The following RNF43 variants were observed in gnomAD, a reference collection of about 807,000 sequenced individuals.
RNF43 encodes the protein ring finger protein 43.
In RNF43, 37 loss-of-function variants were observed where a neutral mutation model predicts 78.4. That is an observed-to-expected ratio of 0.47 (90% CI 0.36 to 0.62). The LOEUF is 0.62. Ranked by LOEUF, RNF43 falls within the 20% of genes least tolerant of loss-of-function variation. RNF43 has a pLI of 0.00. For synonymous variants in RNF43, 347 were observed against 395.0 expected (o/e 0.88, Z 1.44); for missense variants, 774 against 1,007.9 (o/e 0.77, Z 3.14).
chr17:58,397,553 C>CT (rs1973708893), intron 2 of RNF43, among the ~76,000 whole-genome samples: 3 of 151,894 alleles, frequency 2.0e-5, no homozygotes, highest in Non-Finnish European at 4.4e-5. Flanking sequence ...ATGCCAACTA[C>CT]TCAGGAGGCT....
intron 2 of RNF43, among the ~76,000 whole-genome samples, chr17:58,374,452 G>C (rs1231654797): frequency 6.6e-6 from 1 of 151,172 alleles, no homozygotes. Context: ...GAGTGCAGTG[G>C]TGCAATCTTG....
intron 2 of RNF43, among the ~76,000 whole-genome samples, chr17:58,411,348 C>T (rs1335409985): frequency 2.6e-5 from 4 of 152,046 alleles, no homozygotes; most frequent in African/African-American, 9.7e-5. Context: ...ACTTTGTCAA[C>T]TATAGTTTGC....
chr17:58,400,130 T>A (rs1315963556), intron 2 of RNF43, among the ~76,000 whole-genome samples: 2 of 152,100 alleles, frequency 1.3e-5, no homozygotes, highest in African/African-American at 4.8e-5. Context: ...CAGGCACACA[T>A]ACAAAGGTCC....
intron 2 of RNF43, among the ~76,000 whole-genome samples, chr17:58,411,942 G>A (rs897722294): frequency 3.3e-5 from 5 of 152,160 alleles, no homozygotes; most frequent in Non-Finnish European, 7.4e-5. Flanking sequence ...TATAAACCAG[G>A]AGAGAAAGAA....
chr17:58,370,439 T>C (rs1973066150), intron 3 of RNF43, among the ~76,000 whole-genome samples: 1 of 152,240 alleles, frequency 6.6e-6, no homozygotes. Flanking sequence ...GAAAAGTCGC[T>C]GTGAGGGTTA....
intron 6 of RNF43, 49 bp downstream of exon 6, chr17:58,362,495 C>CCA: frequency 7.2e-7 from 1 of 1,393,306 alleles, no homozygotes; most frequent in Non-Finnish European, 9.9e-7. Context: ...AACCACCCAC[C>CCA]CACACACACG....
Position 58,387,174 on chromosome 17 carries a change from T to C in RNF43, c.253-16141A>G, listed in dbSNP as rs542925800. On this transcript the variant is annotated intron_variant, in intron 2 of 9. Transcript: ENST00000407977. The stretch of plus-strand genomic sequence containing the variant: ...GGAGGGATATCAGAATTTCAAACAA[T>C]GTTAACAGAGAAGCTGAGTCAGTCT... Among the ~76,000 whole-genome samples the C allele has an allele frequency of 6.6e-4, 101 of 152,266 alleles. 6 individuals carry two copies. In the South Asian group the frequency reaches 0.021, roughly 31 times the overall value.
chr17:58,408,459 C>T (rs720236), intron 2 of RNF43, among the ~76,000 whole-genome samples: 1,927 of 152,138 alleles, frequency 0.013, 41 homozygotes, highest in African/African-American at 0.042. Flanking sequence ...TGGATGCACG[C>T]TAATATCCTA....
Position 58,362,498 on chromosome 17 carries a change from C to A in RNF43, c.687+46G>T, listed in dbSNP as rs756011627. 4 of 1,428,298 alleles carry A rather than the reference C, an allele frequency of 2.8e-6. No homozygotes were observed. In the Admixed American group the frequency reaches 5.8e-5, roughly 21 times the overall value. The allele number at this position is 1,428,298 out of a possible 1,614,324, so 88.5% of individuals were successfully genotyped here. On this transcript the variant is annotated intron_variant, in intron 6 of 9. Coordinates refer to ENST00000407977, the MANE Select transcript of RNF43 (RefSeq NM_017763.6). ...TTCCTTCTCCCTAACCACCCACCCA[C>A]ACACACGCACACGTTCACCGCCGCC...
chr17:58,365,044 G>C (rs943740292), intron 3 of RNF43, among the ~76,000 whole-genome samples: 1 of 152,220 alleles, frequency 6.6e-6, no homozygotes, highest in East Asian at 1.9e-4. Context: ...GCCCAGCCTA[G>C]GGCCCAGGCT....
chr17:58,415,507 C>T lies in RNF43; in HGVS notation c.71G>A (p.Gly24Asp), dbSNP rs765931943. 2 of 1,612,994 alleles carry T rather than the reference C, an allele frequency of 1.2e-6. No individual in the cohort carries two copies. Among genetic ancestry groups the T allele is most frequent in the South Asian group, 2.2e-5 (2 of 91,090 alleles). Residue 24 changes from glycine to aspartate, a missense_variant, in exon 2 of 10, where the codon GGC becomes GAC. By Grantham distance (94) the Gly-to-Asp change is moderately conservative. Coordinates refer to ENST00000407977, the MANE Select transcript of RNF43 (RefSeq NM_017763.6). ...PWLLMATLQA[G>D]FGRTGLVLAA... is the part of the protein sequence containing the mutation. Reference sequence around the variant, plus strand: ...CAGTACCAGTCCTGTGCGTCCAAAGCCTGCCTGCAGGGTAGCCATCAGCAG... The same window carrying T: ...CAGTACCAGTCCTGTGCGTCCAAAGTCTGCCTGCAGGGTAGCCATCAGCAG...
chr17:58,358,665 G>T lies in RNF43; in HGVS notation c.1111C>A (p.Arg371=), dbSNP rs771831816. The T allele has an allele frequency of 6.6e-7, 1 of 1,525,234 alleles. No homozygotes were observed. The highest frequency in any genetic ancestry group is 1.3e-5 in the South Asian group (1 of 79,042). The allele number at this position is 1,525,234 out of a possible 1,614,324, so 94.5% of individuals were successfully genotyped here. Residue 371 remains arginine, a synonymous_variant, in exon 9 of 10, where the codon CGA becomes AGA. Transcript: ENST00000407977. This position sits in a 1 kb window ranked among gnomAD's most constrained non-coding sequence, Gnocchi z 6.2. ...TGGGATGGCAGGAAGGGACCAGGTC[G>T]TGGGGGCCGAGCCACTGCACTCCGG... is the stretch of plus-strand genomic sequence containing the variant. The part of the protein sequence containing the change: ...PSRSAVARPP[R]PGPFLPSQEP...
At chr17:58,359,476 C>CAT in intron 8 of RNF43, among the ~76,000 whole-genome samples, 1 of 151,088 alleles carries the variant, frequency 6.6e-6, no homozygotes, top group East Asian at 1.9e-4. Context: ...TGGTGGCGGG[C>CAT]GCCTATAGTC....
intron 9 of RNF43, among the ~76,000 whole-genome samples, chr17:58,355,859 G>A (rs1972674807): frequency 6.6e-6 from 1 of 152,194 alleles, no homozygotes; most frequent in South Asian, 2.1e-4. Flanking sequence ...GAGCTAGGAG[G>A]CTCCTGCATG....
At chr17:58,371,084 A>C (rs1197412992) in intron 2 of RNF43, 51 bp from the exon 3 acceptor site, 1 of 1,504,176 alleles carries the variant, frequency 6.6e-7, no homozygotes, top group South Asian at 1.3e-5. Context: ...AGCAGGAGTG[A>C]GCTGTGAGAG....
chr17:58,405,833 T>C (rs58647683), intron 2 of RNF43, among the ~76,000 whole-genome samples: 52,038 of 152,128 alleles, frequency 0.34, 9,732 homozygotes, highest in East Asian at 0.51. Flanking sequence ...ATTCAATACA[T>C]AATGCCTCCT....
intron 2 of RNF43, among the ~76,000 whole-genome samples, chr17:58,408,367 C>T (rs550040508): frequency 1.8e-4 from 27 of 152,202 alleles, no homozygotes; most frequent in Admixed American, 7.2e-4. Flanking sequence ...CACACACAAA[C>T]AAGATTAAAA....
At chr17:58,378,611 A>T (rs1164538979) in intron 2 of RNF43, among the ~76,000 whole-genome samples, 1 of 152,200 alleles carries the variant, frequency 6.6e-6, no homozygotes, top group Non-Finnish European at 1.5e-5. Context: ...TTTAAGCTAC[A>T]AAAGTAAATA....
intron 2 of RNF43, among the ~76,000 whole-genome samples, chr17:58,395,346 T>C (rs1252436791): frequency 1.3e-5 from 2 of 152,234 alleles, no homozygotes; most frequent in Non-Finnish European, 2.9e-5. Flanking sequence ...TAAATGTATA[T>C]ACAACTCAAC....
Sources: gnomAD v4.1 joint callset for allele counts (sites outside exome capture counted in the v4.1 genomes callset) on GRCh38, gnomAD v4.1.1 for gene constraint, Gnocchi (gnomAD v3.1) non-coding constraint, MANE v1.5 for transcripts, NCBI Gene and HGNC (gene_info 2026-07-23, HGNC 2026-07-21) for gene names.